TENT4B: variants seen among roughly 807,000 people sequenced by gnomAD.
TENT4B encodes the protein terminal nucleotidyltransferase 4B.
A neutral mutation model predicts 75.0 loss-of-function variants in TENT4B; 10 were observed. The observed-to-expected ratio is 0.13, with a 90% CI of 0.08 to 0.23. The LOEUF (loss-of-function observed/expected upper bound fraction) is 0.23. Among genes scored for constraint, TENT4B ranks in the 10% least tolerant of loss-of-function variants. The pLI is 1.00. For missense variants in TENT4B, 579 were observed against 893.8 expected (o/e 0.65, Z 4.49); for synonymous variants, 350 against 357.7 (o/e 0.98, Z 0.24).
chr16:50,211,136 A>C (rs533901610), intron 1 of TENT4B, among the ~76,000 whole-genome samples, 187 bp from the exon 2 acceptor site: 25 of 152,250 alleles, frequency 1.6e-4, no homozygotes, highest in South Asian at 4.1e-4. Flanking sequence ...ATTTCTCATT[A>C]TTTAATTATT....
chr16:50,220,922 C>CT (rs1341561997), intron 5 of TENT4B, among the ~76,000 whole-genome samples: 1 of 151,332 alleles, frequency 6.6e-6, no homozygotes, highest in Non-Finnish European at 1.5e-5. Context: ...GCTTTTTTTT[C>CT]TTTTTTATAG....
chr16:50,164,453 C>T (rs1186978864), intron 1 of TENT4B, among the ~76,000 whole-genome samples: 1 of 151,918 alleles, frequency 6.6e-6, no homozygotes, highest in Admixed American at 6.6e-5. Flanking sequence ...GGATTACAGG[C>T]GCCCACCACC....
intron 1 of TENT4B, among the ~76,000 whole-genome samples, chr16:50,161,008 T>A (rs565787680): frequency 7.1e-4 from 108 of 152,330 alleles, no homozygotes; most frequent in Admixed American, 2.2e-3. Context: ...TGGTATTTGC[T>A]GTTTCCTACA....
intron 1 of TENT4B, among the ~76,000 whole-genome samples, chr16:50,185,667 C>T (rs1256247869): frequency 6.6e-6 from 1 of 152,150 alleles, no homozygotes; most frequent in Non-Finnish European, 1.5e-5. Context: ...TATCGAAGCT[C>T]TGGTTACCTT....
intron 7 of TENT4B, 54 bp downstream of exon 7, chr16:50,223,441 C>G (rs1398655220): frequency 8.8e-7 from 1 of 1,142,032 alleles, no homozygotes; most frequent in African/African-American, 1.6e-5. Context: ...CTGTCAGTCA[C>G]CTTATTATAC....
At position 50,224,752 on chromosome 16, in the gene TENT4B, G is replaced by A. The variant is rs2031972189; in HGVS notation, c.1477G>A (p.Ala493Thr). The part of the protein sequence containing the change: ...VVLSHAVSPI[A>T]KYYPNNETES... Reference sequence around the variant, plus strand: ...TTTGAGTCATGCTGTATCACCAATAGCAAAGTACTATCCCAACAATGAAAC... The same window carrying A: ...TTTGAGTCATGCTGTATCACCAATAACAAAGTACTATCCCAACAATGAAAC... The change falls in exon 8 of 12, where the codon GCA becomes ACA. Residue 493 changes from alanine to threonine, a missense_variant. Physicochemically the swap from Ala to Thr is moderately conservative, Grantham distance 58. Transcript: ENST00000561678. The A allele has an allele frequency of 6.2e-7, 1 of 1,613,856 alleles. No homozygotes were observed. The highest frequency in any genetic ancestry group is 1.3e-5 in the African/African-American group (1 of 74,920).
At chr16:50,173,302 A>C (rs186598494) in intron 1 of TENT4B, among the ~76,000 whole-genome samples, 1 of 152,060 alleles carries the variant, frequency 6.6e-6, no homozygotes, top group African/African-American at 2.4e-5. Context: ...GAGTTTATCT[A>C]TTCACCTTCT....
chr16:50,189,847 C>T (rs1361824831), intron 1 of TENT4B, among the ~76,000 whole-genome samples: 1 of 151,128 alleles, frequency 6.6e-6, no homozygotes, highest in Non-Finnish European at 1.5e-5. Context: ...AGGAGTGAGG[C>T]AGGCAGATCA....
chr16:50,157,983 C>A (rs889692263), intron 1 of TENT4B, among the ~76,000 whole-genome samples: 3 of 151,054 alleles, frequency 2.0e-5, no homozygotes, highest in African/African-American at 7.3e-5. Context: ...CCATGAAGGT[C>A]TCCAACTCCT....
At chr16:50,202,588 T>G (rs2030717050) in intron 1 of TENT4B, among the ~76,000 whole-genome samples, 1 of 152,328 alleles carries the variant, frequency 6.6e-6, no homozygotes, top group East Asian at 1.9e-4. Flanking sequence ...AGATCCTTGA[T>G]CTTAGGGAAT....
At chr16:50,202,051 A>G (rs969220116) in intron 1 of TENT4B, among the ~76,000 whole-genome samples, 7 of 152,280 alleles carry the variant, frequency 4.6e-5, no homozygotes, top group African/African-American at 1.7e-4. Flanking sequence ...TTTTCTCCAA[A>G]TTAGTCTTGT....
intron 1 of TENT4B, among the ~76,000 whole-genome samples, chr16:50,207,681 A>G (rs771219492): frequency 8.5e-5 from 13 of 152,194 alleles, no homozygotes; most frequent in Admixed American, 5.9e-4. Flanking sequence ...CTCATAAATC[A>G]TATTAAATTT....
chr16:50,188,598 T>G (rs1211489182), intron 1 of TENT4B, among the ~76,000 whole-genome samples: 1 of 152,228 alleles, frequency 6.6e-6, no homozygotes, highest in Non-Finnish European at 1.5e-5. Flanking sequence ...TGTATAGACC[T>G]TGAGAAGTGT....
rs1253962789 is a variant in TENT4B at position 50,233,607 on chromosome 16, T to C, written c.*4279T>C. 1 of 982,932 alleles carries C rather than the reference T, an allele frequency of 1.0e-6. No homozygotes were observed. Among genetic ancestry groups the C allele is most frequent in the Non-Finnish European group, 1.2e-6 (1 of 827,736 alleles). The allele number at this position is 982,932 out of a possible 1,614,324, so 60.9% of individuals were successfully genotyped here. A position where few individuals can be genotyped will look rare whatever the true frequency, so the allele number is the denominator to read the frequency against. ...TTATAAAGGCTGCTGATCTATTTGA[T>C]ACCTAGAATTAAATATTTGAGGACA... On this transcript the variant is annotated 3_prime_UTR_variant, in exon 12 of 12. Transcript: ENST00000561678.
chr16:50,167,214 C>T (rs1317877478), intron 1 of TENT4B, among the ~76,000 whole-genome samples: 1 of 152,066 alleles, frequency 6.6e-6, no homozygotes, highest in East Asian at 1.9e-4. Flanking sequence ...AGCTGATGAG[C>T]TAAAAAAAGA....
Position 50,153,627 on chromosome 16 carries a change from T to C in TENT4B, c.6T>C (p.Asp2=). 1 of 1,002,942 alleles carries C rather than the reference T, an allele frequency of 1.0e-6. No individual in the cohort carries two copies. Among genetic ancestry groups the C allele is most frequent in the Non-Finnish European group, 1.2e-6 (1 of 843,708 alleles). The allele number at this position is 1,002,942 out of a possible 1,614,324, so 62.1% of individuals were successfully genotyped here. A position where few individuals can be genotyped will look rare whatever the true frequency, so the allele number is the denominator to read the frequency against. The change falls in exon 1 of 12, where the codon GAT becomes GAC. Residue 2 remains aspartate, a synonymous_variant. Transcript: ENST00000561678. Reference sequence around the variant, plus strand: ...GCAGCGGCCGCCGCCGTTTGATGGATCCGAGGATCGCCTGGTTTCAGCCAG... The same window carrying C: ...GCAGCGGCCGCCGCCGTTTGATGGACCCGAGGATCGCCTGGTTTCAGCCAG... M[D]PRIAWFQPEQ...
chr16:50,208,260 G>A (rs147701532), intron 1 of TENT4B, among the ~76,000 whole-genome samples: 149 of 152,290 alleles, frequency 9.8e-4, no homozygotes, highest in African/African-American at 3.3e-3. Context: ...GGAAGGTGGT[G>A]CCATGGGCTA....
At chr16:50,224,810 T>G in intron 8 of TENT4B, 27 bp downstream of exon 8, 1 of 1,613,268 alleles carries the variant, frequency 6.2e-7, no homozygotes. Flanking sequence ...AACCAGCCCA[T>G]TGTGTCAAAA....
intron 1 of TENT4B, among the ~76,000 whole-genome samples, chr16:50,182,568 A>G (rs1283241896): frequency 1.3e-5 from 2 of 152,168 alleles, no homozygotes; most frequent in African/African-American, 4.8e-5. Context: ...TACATTTTAC[A>G]TGGTCTTTTC....
Sources: gnomAD v4.1 joint callset for allele counts (sites outside exome capture counted in the v4.1 genomes callset) on GRCh38, gnomAD v4.1.1 for gene constraint, MANE v1.5 for transcripts, NCBI Gene and HGNC (gene_info 2026-07-23, HGNC 2026-07-21) for gene names.